PARD3B: variants seen among roughly 807,000 people sequenced by gnomAD.
The protein encoded by PARD3B is partitioning defective 3 homolog B.
PARD3B carries 103 observed loss-of-function variants against 130.2 expected under a neutral mutation model. The observed-to-expected ratio is 0.79, with a 90% CI of 0.67 to 0.93. The LOEUF is 0.93. Among genes scored for constraint, PARD3B ranks in the 40% least tolerant of loss-of-function variants. The pLI is 0.00. For missense variants in PARD3B, 1,609 were observed against 1,499.2 expected (o/e 1.07, Z -1.21); for synonymous variants, 583 against 553.2 (o/e 1.05, Z -0.76).
At chr2:204,833,098 A>G (rs1419995043) in intron 2 of PARD3B, among the ~76,000 whole-genome samples, 2 of 152,344 alleles carry the variant, frequency 1.3e-5, no homozygotes, top group South Asian at 2.1e-4. Flanking sequence ...GATTTCATTT[A>G]TTGTGAAAAA....
chr2:205,087,032 T>C (rs574457095), intron 4 of PARD3B, among the ~76,000 whole-genome samples: 1 of 152,336 alleles, frequency 6.6e-6, no homozygotes, highest in African/African-American at 2.4e-5. Flanking sequence ...CTTCCAAGTG[T>C]GTTTAACAGT....
At chr2:205,549,594 A>G (rs1464123167) in intron 21 of PARD3B, among the ~76,000 whole-genome samples, 1 of 152,206 alleles carries the variant, frequency 6.6e-6, no homozygotes, top group Non-Finnish European at 1.5e-5. Flanking sequence ...GACTATGAAA[A>G]GAGTAAAAAG....
At chr2:205,398,197 A>G (rs1485613363) in intron 18 of PARD3B, among the ~76,000 whole-genome samples, 9 of 152,132 alleles carry the variant, frequency 5.9e-5, no homozygotes, top group Non-Finnish European at 1.0e-4. Flanking sequence ...GCTACTTGGG[A>G]GGCTAAGGCA....
intron 21 of PARD3B, among the ~76,000 whole-genome samples, chr2:205,505,394 AT>A (rs200447985): frequency 0.016 from 2,405 of 151,966 alleles, 54 homozygotes; most frequent in African/African-American, 0.053. Flanking sequence ...TAATAAAAAA[AT>A]AAAATAAAAT....
rs746152483 is a variant in PARD3B, at chr2:205,300,760, T to C, written c.2392+24T>C. The C allele has an allele frequency of 1.3e-6, 2 of 1,592,298 alleles. No homozygotes were observed. The highest frequency in any genetic ancestry group is 1.3e-5 in the African/African-American group (1 of 74,604). On this transcript the variant is annotated intron_variant, in intron 17 of 22. Transcript: ENST00000406610. The surrounding 1 kb of genome is among the most constrained non-coding windows in gnomAD (Gnocchi z 4.1). ...TGGTAGGATGATATGCTTCCTTAAA[T>C]GGCTTCTTCATCTCATTATTATCTG...
chr2:204,714,049 A>T (rs534327852), intron 2 of PARD3B, among the ~76,000 whole-genome samples: 1 of 152,218 alleles, frequency 6.6e-6, no homozygotes, highest in Admixed American at 6.5e-5. Context: ...TTTTAAACCC[A>T]CCCTTCTGTA....
intron 2 of PARD3B, among the ~76,000 whole-genome samples, chr2:204,790,352 GGT>G (rs2042158537): frequency 6.6e-6 from 1 of 152,070 alleles, no homozygotes; most frequent in Admixed American, 6.6e-5. Flanking sequence ...CATGAAGAGG[GGT>G]TTTTTATAGT....
chr2:204,992,776 C>A (rs768878325), intron 3 of PARD3B, among the ~76,000 whole-genome samples: 3,730 of 142,954 alleles, frequency 0.026, 58 homozygotes, highest in South Asian at 0.04. Context: ...TGTAGTTCTC[C>A]TTGAAGAGGT....
At chr2:205,243,561 T>C (rs2039447923) in intron 15 of PARD3B, among the ~76,000 whole-genome samples, 1 of 152,260 alleles carries the variant, frequency 6.6e-6, no homozygotes, top group South Asian at 2.1e-4. Flanking sequence ...AACAAAATTA[T>C]AGCTAACATT....
chr2:204,987,913 A>G (rs1421468619), intron 3 of PARD3B, among the ~76,000 whole-genome samples: 2 of 152,126 alleles, frequency 1.3e-5, no homozygotes, highest in Non-Finnish European at 2.9e-5. Context: ...GCAGAATCCA[A>G]AGGGTGACAG....
At chr2:205,267,205 A>T (rs928418460) in intron 16 of PARD3B, among the ~76,000 whole-genome samples, 2 of 152,320 alleles carry the variant, frequency 1.3e-5, no homozygotes, top group African/African-American at 4.8e-5. Context: ...CATTTCAGCC[A>T]ACACTGTTAA....
Position 204,579,223 on chromosome 2 carries a change from T to G in PARD3B, c.120+33104T>G, listed in dbSNP as rs1054783137. ...CTCTGGGAAGGCACACTCTAGAGGT[T>G]TTAAGATACACTCATTTAATCCTTG... On this transcript the variant is annotated intron_variant, in intron 1 of 22. Transcript: ENST00000406610. 2.0e-5 allele frequency among the ~76,000 whole-genome samples: 3 copies of G among 152,066 alleles called. 1 individual carries two copies. Among genetic ancestry groups the G allele is most frequent in the Middle Eastern group, 6.8e-3 (2 of 294 alleles).
At chr2:205,505,418 TAC>T (rs1221956742) in intron 21 of PARD3B, among the ~76,000 whole-genome samples, 1 of 131,746 alleles carries the variant, frequency 7.6e-6, no homozygotes, top group Admixed American at 7.9e-5. Context: ...AATAAATGAA[TAC>T]ACACACACTG....
intron 2 of PARD3B, among the ~76,000 whole-genome samples, chr2:204,807,905 C>G (rs1022298603): frequency 6.6e-6 from 1 of 151,810 alleles, no homozygotes; most frequent in South Asian, 2.1e-4. Flanking sequence ...GATCACAACA[C>G]GATAACTACA....
At chr2:205,600,101 A>T (rs2105752022) in intron 22 of PARD3B, among the ~76,000 whole-genome samples, 2 of 152,320 alleles carry the variant, frequency 1.3e-5, no homozygotes, top group Admixed American at 1.3e-4. Flanking sequence ...CCTGTCTTTG[A>T]ATCCTAATAT....
chr2:205,582,652 A>G (rs898125511), intron 22 of PARD3B, among the ~76,000 whole-genome samples: 1 of 151,758 alleles, frequency 6.6e-6, no homozygotes, highest in Non-Finnish European at 1.5e-5. Flanking sequence ...AACCAAGAGC[A>G]ACAAGGAAGG....
chr2:205,278,242 C>T (rs961682268), intron 16 of PARD3B, among the ~76,000 whole-genome samples: 1 of 152,102 alleles, frequency 6.6e-6, no homozygotes, highest in African/African-American at 2.4e-5. Context: ...AGTCGACTTC[C>T]TGGATGACAC....
intron 2 of PARD3B, among the ~76,000 whole-genome samples, chr2:204,788,604 G>T (rs1434855024): frequency 6.6e-6 from 1 of 152,158 alleles, no homozygotes; most frequent in Non-Finnish European, 1.5e-5. Flanking sequence ...ATAGAAAAAT[G>T]TGTGAACTCA....
chr2:205,147,960 TA>T (rs2033483117), intron 10 of PARD3B, among the ~76,000 whole-genome samples: 1 of 152,136 alleles, frequency 6.6e-6, no homozygotes, highest in South Asian at 2.1e-4. Flanking sequence ...GGTTTTCTAA[TA>T]TATATCAGAG....
Sources: allele counts gnomAD v4.1 joint callset (sites outside exome capture counted in the v4.1 genomes callset), GRCh38; gene constraint gnomAD v4.1.1; non-coding constraint Gnocchi (gnomAD v3.1); transcripts MANE v1.5; gene names NCBI Gene and HGNC (gene_info 2026-07-23, HGNC 2026-07-21).